Variants in GGA2 observed in about 807,000 individuals in gnomAD.
GGA2 encodes ADP-ribosylation factor-binding protein GGA2.
Under a neutral mutation model 79.5 loss-of-function variants are expected in GGA2, and 48 were observed. The ratio of observed to expected loss-of-function variants is 0.60; its 90% CI spans 0.48 to 0.77. The LOEUF (loss-of-function observed/expected upper bound fraction) is 0.77. GGA2 is among the 30% of genes least tolerant of loss of function. The pLI is 0.00. For synonymous variants in GGA2, 317 were observed against 302.0 expected (o/e 1.05, Z -0.51); for missense variants, 770 against 774.0 (o/e 0.99, Z 0.06).
intron 1 of GGA2, among the ~76,000 whole-genome samples, chr16:23,508,894 C>T (rs1044805290): frequency 1.3e-5 from 2 of 152,142 alleles, no homozygotes; most frequent in African/African-American, 4.8e-5. Flanking sequence ...ACCAGTTCCT[C>T]GAGCCTGAAA....
chr16:23,507,028 C>T (rs1036936842), intron 1 of GGA2, among the ~76,000 whole-genome samples: 2 of 152,040 alleles, frequency 1.3e-5, no homozygotes, highest in Admixed American at 1.3e-4. Context: ...CACATGTCCC[C>T]CTCTCCTTCT....
chr16:23,517,740 G>C, intron 2 of GGA2, among the ~76,000 whole-genome samples: 1 of 147,536 alleles, frequency 6.8e-6, no homozygotes, highest in South Asian at 2.2e-4. Flanking sequence ...CAGAACCCCT[G>C]AGGTGCATGC....
intron 1 of GGA2, among the ~76,000 whole-genome samples, chr16:23,520,911 C>A (rs1965136976): frequency 6.6e-6 from 1 of 152,096 alleles, no homozygotes; most frequent in Non-Finnish European, 1.5e-5. Context: ...TGTGCCTCAG[C>A]CACCCAAGTA....
chr16:23,502,189 C>T (rs150348382), intron 1 of GGA2, among the ~76,000 whole-genome samples: 12 of 152,252 alleles, frequency 7.9e-5, no homozygotes, highest in Middle Eastern at 6.8e-3. Flanking sequence ...AGAGTGGCAT[C>T]GGGGCAAGGC....
chr16:23,514,969 G>A (rs537379522), upstream of GGA2, among the ~76,000 whole-genome samples: 3 of 152,118 alleles, frequency 2.0e-5, no homozygotes, highest in Non-Finnish European at 4.4e-5. Context: ...TGACATTGAT[G>A]CTGATGGTCT....
rs1299032288 is a variant in GGA2 at position 23,478,425 on chromosome 16, G to A, written c.1235C>T (p.Pro412Leu). 11 of 1,611,746 alleles carry A rather than the reference G, an allele frequency of 6.8e-6. No individual in the cohort carries two copies. The highest frequency in any genetic ancestry group is 8.5e-6 in the Non-Finnish European group (10 of 1,178,326). Residue 412 changes from proline to leucine, a missense_variant, in exon 13 of 17, where the codon CCT (proline) becomes CTT (leucine). Coordinates refer to ENST00000309859, the MANE Select transcript of GGA2 (RefSeq NM_015044.4). ...GTCCAGCAAATTCCTGTCTGCAGAA[G>A]GGTTCTGAACACCACCGCCTGGCAG... is the stretch of plus-strand genomic sequence containing the variant. ...STLPGGGVQN[P>L]SADRNLLDLL...
chr16:23,478,305 C>G (rs1964601902), intron 13 of GGA2, 63 bp downstream of exon 13: 2 of 1,376,780 alleles, frequency 1.5e-6, no homozygotes, highest in African/African-American at 1.4e-5. Flanking sequence ...TGGCCCTTGT[C>G]CCATGAGAAG....
intron 4 of GGA2, among the ~76,000 whole-genome samples, chr16:23,492,627 G>A: frequency 6.6e-6 from 1 of 152,188 alleles, no homozygotes; most frequent in East Asian, 1.9e-4. Context: ...CCTTGCCTAT[G>A]TATCGCTTCC....
intron 2 of GGA2, among the ~76,000 whole-genome samples, chr16:23,517,050 C>T (rs552455595): frequency 1.2e-4 from 18 of 152,174 alleles, no homozygotes; most frequent in Non-Finnish European, 2.5e-4. Flanking sequence ...AATGAACTTC[C>T]TGCTAAGTAC....
chr16:23,469,490 A>C (rs1964483444), intron 15 of GGA2: 1 of 160,980 alleles, frequency 6.2e-6, no homozygotes, highest in Non-Finnish European at 1.4e-5. Flanking sequence ...GGTGCCTGTT[A>C]ATCAGTAGGG....
At chr16:23,468,135 C>T (rs1964464916) in intron 16 of GGA2, among the ~76,000 whole-genome samples, 2 of 152,146 alleles carry the variant, frequency 1.3e-5, no homozygotes, top group Non-Finnish European at 2.9e-5. Context: ...TCCTTCCTTT[C>T]CTCCTTCCCT....
At chr16:23,521,854 A>G in exon 1 of GGA2, 1 of 456,076 alleles carries the variant, frequency 2.2e-6, no homozygotes, top group South Asian at 1.5e-5. Context: ...AGATGCTCTG[A>G]CAACACTCAG....
intron 9 of GGA2, among the ~76,000 whole-genome samples, chr16:23,482,124 C>T (rs979042306): frequency 5.9e-5 from 9 of 151,926 alleles, no homozygotes; most frequent in African/African-American, 1.5e-4. Flanking sequence ...ATTAGCCAGG[C>T]GTGATGGTGG....
chr16:23,463,616 C>A lies in GGA2; in HGVS notation c.*3974G>T, dbSNP rs1964400068. 6.6e-6 allele frequency: 1 copy of A among 152,156 alleles called. No individual in the cohort carries two copies. The allele number at this position is 152,156 out of a possible 1,614,324, so 9.4% of individuals were successfully genotyped here. On this transcript the variant is annotated 3_prime_UTR_variant, in exon 17 of 17. Transcript: ENST00000309859. The stretch of plus-strand genomic sequence containing the variant: ...ATTTAAAGAAAATTTATCTATAATT[C>A]CCTGACCCAAAGATTACCACTGTCA...
In GGA2 at chr16:23,509,437, C is replaced by G. The variant is rs72776106; in HGVS notation, c.91+884G>C. 5.6e-3 allele frequency among the ~76,000 whole-genome samples: 857 copies of G among 152,304 alleles called. 5 individuals are homozygous for G. The highest frequency in any genetic ancestry group is 0.037 in the Middle Eastern group (11 of 294). ...CCACAGGTGAAACGAACGCCCTCCT[C>G]CTCCTCGCCAATCCCGTTAGTAAGG... On this transcript the variant is annotated intron_variant, in intron 1 of 16. Coordinates refer to ENST00000309859, the MANE Select transcript of GGA2 (RefSeq NM_015044.4).
intron 8 of GGA2, among the ~76,000 whole-genome samples, chr16:23,484,937 A>AT (rs1459197729): frequency 6.6e-6 from 1 of 152,262 alleles, no homozygotes; most frequent in East Asian, 1.9e-4. Flanking sequence ...TTCGTAATGA[A>AT]TAATTCAAAG....
At chr16:23,482,792 C>A (rs973711488) in intron 9 of GGA2, 131 bp downstream of exon 9, 5 of 680,302 alleles carry the variant, frequency 7.3e-6, no homozygotes, top group Admixed American at 4.2e-5. Flanking sequence ...TCAGGCCACA[C>A]CCTCCCCAAG....
intron 5 of GGA2, among the ~76,000 whole-genome samples, chr16:23,491,325 A>AAAAAAC (rs1964783823): frequency 6.6e-6 from 1 of 151,460 alleles, no homozygotes; most frequent in African/African-American, 2.4e-5. Context: ...AAAAAAAAAA[A>AAAAAAC]AAAACCAAAA....
intron 1 of GGA2, among the ~76,000 whole-genome samples, chr16:23,502,510 G>C (rs1407926996): frequency 6.6e-6 from 1 of 152,180 alleles, no homozygotes; most frequent in Non-Finnish European, 1.5e-5. Flanking sequence ...GTGGTGCATT[G>C]TATGGTCTCA....
Sources: gnomAD v4.1 joint callset for allele counts (sites outside exome capture counted in the v4.1 genomes callset) on GRCh38, gnomAD v4.1.1 for gene constraint, MANE v1.5 for transcripts, NCBI Gene and HGNC (gene_info 2026-07-23, HGNC 2026-07-21) for gene names.